The following ZBTB38 variants were observed in gnomAD, a reference collection of about 807,000 sequenced individuals.
The protein encoded by ZBTB38 is zinc finger and BTB domain containing 38.
Under a neutral mutation model 76.8 loss-of-function variants are expected in ZBTB38, and 20 were observed. The ratio of observed to expected loss-of-function variants is 0.26; its 90% CI spans 0.18 to 0.38. The LOEUF (loss-of-function observed/expected upper bound fraction) is 0.38, where lower values mean the gene tolerates loss of function less well. Among genes scored for constraint, ZBTB38 ranks in the 10% least tolerant of loss-of-function variants. The pLI, the probability that ZBTB38 is intolerant of heterozygous loss-of-function variation, is 1.00. For synonymous variants in ZBTB38, 504 were observed against 544.2 expected (o/e 0.93, Z 1.03); for missense variants, 1,082 against 1,482.3 (o/e 0.73, Z 4.43).
At chr3:141,428,243 G>A (rs1171382955) in intron 5 of ZBTB38, among the ~76,000 whole-genome samples, 1 of 152,198 alleles carries the variant, frequency 6.6e-6, no homozygotes, top group African/African-American at 2.4e-5. Flanking sequence ...CCAGCTGCCA[G>A]CTTCTTCCAT....
At chr3:141,389,486 T>C (rs1188886852) in intron 4 of ZBTB38, 1 of 151,676 alleles carries the variant, frequency 6.6e-6, no homozygotes, top group African/African-American at 2.4e-5. Context: ...GGAGCCATTT[T>C]CCTTCTTGCC....
chr3:141,349,850 GA>G (rs1370818063), intron 1 of ZBTB38, among the ~76,000 whole-genome samples: 1 of 152,130 alleles, frequency 6.6e-6, no homozygotes, highest in Non-Finnish European at 1.5e-5. Context: ...GCACCCCTGA[GA>G]AATTTGATGA....
chr3:141,372,766 G>T (rs1167297772), intron 2 of ZBTB38, among the ~76,000 whole-genome samples: 1 of 152,210 alleles, frequency 6.6e-6, no homozygotes, highest in Non-Finnish European at 1.5e-5. Flanking sequence ...AGCCAAATGG[G>T]GATGATGTGT....
intron 1 of ZBTB38, among the ~76,000 whole-genome samples, chr3:141,337,673 C>G (rs1943054907): frequency 6.6e-6 from 1 of 152,156 alleles, no homozygotes; most frequent in Non-Finnish European, 1.5e-5. Flanking sequence ...CCCCTTTGTC[C>G]TTCAACCAAG....
chr3:141,422,268 C>A (rs2150200963), intron 5 of ZBTB38, among the ~76,000 whole-genome samples: 2 of 152,312 alleles, frequency 1.3e-5, no homozygotes, highest in South Asian at 4.1e-4. Flanking sequence ...GAGCCCCATG[C>A]CCCTTTCTCT....
intron 5 of ZBTB38, among the ~76,000 whole-genome samples, chr3:141,435,531 G>A (rs1228495214): frequency 2.6e-5 from 4 of 152,154 alleles, no homozygotes; most frequent in African/African-American, 9.7e-5. Context: ...GGCTGAGGTG[G>A]TGGGCAGATT....
intron 4 of ZBTB38, among the ~76,000 whole-genome samples, chr3:141,400,872 T>C (rs1951711443): frequency 6.6e-6 from 1 of 152,242 alleles, no homozygotes; most frequent in South Asian, 2.1e-4. Context: ...GCAACAAAGC[T>C]GGGCTTTAAA....
chr3:141,386,312 C>T (rs1947102337), intron 3 of ZBTB38: 1 of 152,172 alleles, frequency 6.6e-6, no homozygotes, highest in Non-Finnish European at 1.5e-5. Context: ...TATTCTGCTT[C>T]CAAGTTTTAA....
At chr3:141,383,202 A>C (rs957449050) in intron 3 of ZBTB38, among the ~76,000 whole-genome samples, 2 of 152,206 alleles carry the variant, frequency 1.3e-5, no homozygotes, top group Non-Finnish European at 2.9e-5. Flanking sequence ...TAGATGTTCA[A>C]AGTAGCTTTG....
chr3:141,413,414 GA>G lies in ZBTB38; in HGVS notation c.-1+9384del, dbSNP rs1957325001. 6.6e-6 allele frequency among the ~76,000 whole-genome samples: 1 copy of G among 152,200 alleles called. No individual in the cohort carries two copies. The highest frequency in any genetic ancestry group is 1.5e-5 in the Non-Finnish European group (1 of 68,028). On this transcript the variant is annotated intron_variant, in intron 5 of 5. Coordinates refer to ENST00000321464, the MANE Select transcript of ZBTB38 (RefSeq NM_001376113.1). The surrounding 1 kb of genome is among the most constrained non-coding windows in gnomAD (Gnocchi z 4.1). ...ACCATTTTCATTGAGCAGTTCTGAG[GA>G]TTCCTTGTGGGTACTTGTGATCTTG...
At chr3:141,368,011 G>A (rs781151929), upstream of ZBTB38, among the ~76,000 whole-genome samples, 15 of 152,210 alleles carry the variant, frequency 9.9e-5, no homozygotes, top group Non-Finnish European at 1.8e-4. Flanking sequence ...AGGCAGAGGA[G>A]AATAGACACT....
intron 3 of ZBTB38, among the ~76,000 whole-genome samples, chr3:141,385,706 AAG>A: frequency 6.6e-6 from 1 of 150,560 alleles, no homozygotes; most frequent in Non-Finnish European, 1.5e-5. Flanking sequence ...GAAGGAATGA[AAG>A]GGGGTGCATA....
intron 5 of ZBTB38, among the ~76,000 whole-genome samples, chr3:141,416,125 A>G (rs73872718): frequency 0.015 from 2,209 of 152,302 alleles, 70 homozygotes; most frequent in African/African-American, 0.051. Flanking sequence ...CGGGAAAGAC[A>G]GAAATAATTA....
At chr3:141,361,955 A>G (rs994586536) in intron 1 of ZBTB38, among the ~76,000 whole-genome samples, 1 of 152,234 alleles carries the variant, frequency 6.6e-6, no homozygotes, top group African/African-American at 2.4e-5. Flanking sequence ...AATAGAAAAT[A>G]TGTTTCACAG....
At position 141,407,185 on chromosome 3, in the gene ZBTB38, T is replaced by C. The variant is rs190135414; in HGVS notation, c.-1+3154T>C. 6.6e-4 allele frequency among the ~76,000 whole-genome samples: 100 copies of C among 152,362 alleles called. No individual in the cohort carries two copies. The East Asian group carries it at 9.8e-3, about 15-fold the overall frequency. On this transcript the variant is annotated intron_variant, in intron 5 of 5. Transcript: ENST00000321464. Reference sequence around the variant, plus strand: ...AGTTTCTAACAGTAATGTAATTCCATTGCCTTTTACCATATGGCTATTGTA... The same window carrying C: ...AGTTTCTAACAGTAATGTAATTCCACTGCCTTTTACCATATGGCTATTGTA...
intron 1 of ZBTB38, among the ~76,000 whole-genome samples, chr3:141,328,123 GCTGCACAGA>G (rs764519603): frequency 1.3e-5 from 2 of 152,144 alleles, no homozygotes; most frequent in Non-Finnish European, 2.9e-5. Flanking sequence ...TTCGCACGCC[GCTGCACAGA>G]AACAGTGACA....
chr3:141,431,341 A>AATATATATATATATATATATATAT (rs1553771301), intron 5 of ZBTB38, among the ~76,000 whole-genome samples: 7 of 103,276 alleles, frequency 6.8e-5, no homozygotes, highest in African/African-American at 3.0e-4. Context: ...AAAAAAAAAA[A>AATATATATATATATATATATATAT]ATATATATAT....
chr3:141,401,964 C>T (rs931038865), intron 4 of ZBTB38, among the ~76,000 whole-genome samples: 1 of 152,248 alleles, frequency 6.6e-6, no homozygotes, highest in African/African-American at 2.4e-5. Context: ...CGACTTTCTG[C>T]GAATCCAGTG....
At chr3:141,425,313 A>AC (rs1254273580) in intron 5 of ZBTB38, among the ~76,000 whole-genome samples, 7 of 152,206 alleles carry the variant, frequency 4.6e-5, no homozygotes, top group African/African-American at 1.7e-4. Flanking sequence ...TGGTAACTCT[A>AC]CGTATACATT....
Sources: gnomAD v4.1 joint callset for allele counts (sites outside exome capture counted in the v4.1 genomes callset) on GRCh38, gnomAD v4.1.1 for gene constraint, Gnocchi (gnomAD v3.1) non-coding constraint, MANE v1.5 for transcripts, NCBI Gene and HGNC (gene_info 2026-07-23, HGNC 2026-07-21) for gene names.